The following UNC13C variants were observed in gnomAD, a reference collection of about 807,000 sequenced individuals.
UNC13C encodes protein unc-13 homolog C.
Under a neutral mutation model 245.4 loss-of-function variants are expected in UNC13C, and 174 were observed. That is an observed-to-expected ratio of 0.71 (90% CI 0.63 to 0.80). The LOEUF is 0.80. Ranked by LOEUF, UNC13C falls within the 30% of genes least tolerant of loss-of-function variation. UNC13C has a pLI of 0.00. For missense variants in UNC13C, 2,829 were observed against 2,602.9 expected (o/e 1.09, Z -1.89); for synonymous variants, 992 against 895.1 (o/e 1.11, Z -1.93).
intron 7 of UNC13C, 98 bp downstream of exon 7, chr15:54,237,788 T>C: frequency 9.7e-7 from 1 of 1,032,242 alleles, no homozygotes; most frequent in South Asian, 1.5e-5. Flanking sequence ...TGATGTTTAG[T>C]CCAATGTTCC....
intron 30 of UNC13C, among the ~76,000 whole-genome samples, chr15:54,602,436 G>T (rs1366951198): frequency 1.3e-5 from 2 of 152,056 alleles, no homozygotes; most frequent in Non-Finnish European, 2.9e-5. Flanking sequence ...GCCTTTCAGT[G>T]GCCACCATAG....
chr15:53,933,793 C>A, the UNC13C span, among the ~76,000 whole-genome samples: 2 of 152,132 alleles, frequency 1.3e-5, no homozygotes, highest in South Asian at 2.1e-4. Flanking sequence ...CGTTTATAAA[C>A]CTTCTCATTA....
At chr15:54,376,230 C>G (rs1172162477) in intron 17 of UNC13C, among the ~76,000 whole-genome samples, 1 of 151,764 alleles carries the variant, frequency 6.6e-6, no homozygotes, top group Non-Finnish European at 1.5e-5. Flanking sequence ...ATGTTTATTT[C>G]AAAGATAAAA....
chr15:53,913,234 G>A, the UNC13C span: 10 of 152,228 alleles, frequency 6.6e-5, no homozygotes, highest in African/African-American at 2.4e-4. Context: ...CTTCCTGGTA[G>A]CCAAGTAGGC....
At chr15:54,035,962 A>G (rs1896562717) in intron 2 of UNC13C, among the ~76,000 whole-genome samples, 1 of 152,066 alleles carries the variant, frequency 6.6e-6, no homozygotes, top group Non-Finnish European at 1.5e-5. Flanking sequence ...TCTGGTAGTA[A>G]TACTTCAGGG....
At chr15:54,479,899 G>A (rs534325934) in intron 19 of UNC13C, among the ~76,000 whole-genome samples, 1 of 152,182 alleles carries the variant, frequency 6.6e-6, no homozygotes, top group East Asian at 1.9e-4. Context: ...TTGCCTTTCA[G>A]ATTCGAATAG....
chr15:54,347,300 C>T (rs572002839), intron 17 of UNC13C, among the ~76,000 whole-genome samples: 135 of 152,302 alleles, frequency 8.9e-4, no homozygotes, highest in African/African-American at 3.2e-3. Context: ...TTTACAGTCT[C>T]CCTCCACACC....
chr15:54,600,544 T>G (rs1385726860), intron 30 of UNC13C, among the ~76,000 whole-genome samples: 1 of 152,092 alleles, frequency 6.6e-6, no homozygotes, highest in East Asian at 1.9e-4. Context: ...CCTATGGTAC[T>G]GACCTATTGC....
chr15:54,159,492 G>T (rs1298395802), intron 4 of UNC13C, among the ~76,000 whole-genome samples: 1 of 152,180 alleles, frequency 6.6e-6, no homozygotes, highest in Non-Finnish European at 1.5e-5. Flanking sequence ...CTGTTTCCTT[G>T]TGCATGTTGT....
intron 19 of UNC13C, among the ~76,000 whole-genome samples, chr15:54,455,239 G>GAC (rs1567289288): frequency 1.7e-5 from 1 of 57,670 alleles, no homozygotes; most frequent in Non-Finnish European, 3.5e-5. Flanking sequence ...ATATATATAT[G>GAC]TTTTTTAATC....
At chr15:53,976,477 C>CTTTTTTTTTTTTTTTTTTTTTTTTT (rs10682648), upstream of UNC13C, among the ~76,000 whole-genome samples, 8 of 63,020 alleles carry the variant, frequency 1.3e-4, 1 homozygote, top group Non-Finnish European at 1.4e-4. Context: ...CTCTCTCTCT[C>CTTTTTTTTTTTTTTTTTTTTTTTTT]TTTTTTTTTT....
At chr15:53,859,626 A>G in the UNC13C span, among the ~76,000 whole-genome samples, 16 of 120,656 alleles carry the variant, frequency 1.3e-4, no homozygotes, top group African/African-American at 4.6e-4. Flanking sequence ...AAATAAGTAC[A>G]GGCATACACA....
At chr15:53,882,287 C>T in the UNC13C span, among the ~76,000 whole-genome samples, 1 of 152,048 alleles carries the variant, frequency 6.6e-6, no homozygotes, top group African/African-American at 2.4e-5. Flanking sequence ...TTTTATTGTA[C>T]AGTTCTGTAT....
chr15:54,213,260 TGAAAA>T (rs1020488545), intron 4 of UNC13C, among the ~76,000 whole-genome samples: 2 of 152,028 alleles, frequency 1.3e-5, no homozygotes, highest in Admixed American at 6.6e-5. Context: ...CTTTTAAAAA[TGAAAA>T]GAATTCTTTC....
At position 54,078,496 on chromosome 15, in the gene UNC13C, AT is replaced by A. The variant is rs941394652; in HGVS notation, c.2983+62619del. ...CCCTTTCTCTGCCTCTTTGCCAACA[AT>A]TTTTTTTTAAATAACAGCCATTATG... is the stretch of plus-strand genomic sequence containing the variant. On this transcript the variant is annotated intron_variant, in intron 2 of 32. Coordinates refer to ENST00000260323, the MANE Select transcript of UNC13C (RefSeq NM_001080534.3). Among the ~76,000 whole-genome samples the A allele has an allele frequency of 5.6e-4, 85 of 151,172 alleles. 1 individual carries two copies. The highest frequency in any genetic ancestry group is 1.8e-3 in the African/African-American group (73 of 41,256).
the UNC13C span, among the ~76,000 whole-genome samples, chr15:53,969,275 G>A: frequency 6.6e-6 from 1 of 152,140 alleles, no homozygotes; most frequent in African/African-American, 2.4e-5. Flanking sequence ...ACACCACAGG[G>A]CAGCCCTGGT....
intron 4 of UNC13C, among the ~76,000 whole-genome samples, chr15:54,216,800 CT>C (rs1348623227): frequency 6.6e-6 from 1 of 151,878 alleles, no homozygotes; most frequent in Non-Finnish European, 1.5e-5. Context: ...TGTTGTTCCG[CT>C]GAGGGTAATT....
chr15:54,280,699 TATACATAC>T (rs1410521922), intron 10 of UNC13C, among the ~76,000 whole-genome samples: 1 of 66,532 alleles, frequency 1.5e-5, no homozygotes, highest in Non-Finnish European at 2.6e-5. Context: ...TAAACATATG[TATACATAC>T]ATATATACAT....
At chr15:53,970,529 C>T in the UNC13C span, among the ~76,000 whole-genome samples, 1 of 152,140 alleles carries the variant, frequency 6.6e-6, no homozygotes, top group African/African-American at 2.4e-5. Flanking sequence ...CTTTGAGATC[C>T]TACTTTGGAT....
Sources: gnomAD v4.1 joint callset for allele counts (sites outside exome capture counted in the v4.1 genomes callset) on GRCh38, gnomAD v4.1.1 for gene constraint, MANE v1.5 for transcripts, NCBI Gene and HGNC (gene_info 2026-07-23, HGNC 2026-07-21) for gene names.